The following CASZ1 variants were observed in gnomAD, a reference collection of about 807,000 sequenced individuals.
CASZ1 encodes castor zinc finger 1, also known as zinc finger protein castor homolog 1.
Under a neutral mutation model 135.2 loss-of-function variants are expected in CASZ1, and 28 were observed. The observed-to-expected ratio is 0.21, with a 90% CI of 0.15 to 0.28. CASZ1 has a LOEUF of 0.28. Ranked by LOEUF, CASZ1 falls within the 10% of genes least tolerant of loss-of-function variation. The pLI, the probability that CASZ1 is intolerant of heterozygous loss-of-function variation, is 1.00. For synonymous variants in CASZ1, 1,068 were observed against 1,073.4 expected, an observed-to-expected ratio of 0.99 and a Z score of 0.10; for missense variants, 2,161 against 2,453.3, an observed-to-expected ratio of 0.88 and a Z score of 2.52.
At chr1:10,740,971 A>AAAAAAAAG (rs1275701750) in intron 2 of CASZ1, among the ~76,000 whole-genome samples, 4 of 131,032 alleles carry the variant, frequency 3.1e-5, no homozygotes, top group Admixed American at 1.7e-4. Flanking sequence ...AAAAAAAAAA[A>AAAAAAAAG]AAAAAAGAAA....
At chr1:10,703,976 G>A (rs141334370) in intron 3 of CASZ1, among the ~76,000 whole-genome samples, 8 of 152,320 alleles carry the variant, frequency 5.3e-5, no homozygotes, top group South Asian at 2.1e-4. Flanking sequence ...TTCAGGACAC[G>A]GAATGGCTGG....
chr1:10,790,819 G>T (rs1640943551), intron 1 of CASZ1, among the ~76,000 whole-genome samples: 1 of 151,544 alleles, frequency 6.6e-6, no homozygotes, highest in South Asian at 2.1e-4. Context: ...TGGTATAAAT[G>T]TACTTAATGT....
In CASZ1 at chr1:10,736,308, C is replaced by T. The variant is rs114773315; in HGVS notation, c.-77+24393G>A. ...GAACACACACGTAACTCTGGGCTCACGGTCAGCATCTGCCACCTGGACAAA... is the reference window on the plus strand; with the variant it reads ...GAACACACACGTAACTCTGGGCTCATGGTCAGCATCTGCCACCTGGACAAA... On this transcript the variant is annotated intron_variant, in intron 2 of 20. Transcript: ENST00000377022. Among the ~76,000 whole-genome samples, 517 of 152,306 alleles carry T rather than the reference C, an allele frequency of 3.4e-3. 5 individuals carry two copies. Among genetic ancestry groups the T allele is most frequent in the African/African-American group, 0.012 (487 of 41,556 alleles).
At position 10,762,264 on chromosome 1, in the gene CASZ1, G is replaced by A. The variant is rs1443070458; in HGVS notation, c.-233-1407C>T. ...GGGTGGACAGCATCCACTGTCCAAGGCTTGGATCAGCCCAGCTCCCATCCC... is the reference window on the plus strand; with the variant it reads ...GGGTGGACAGCATCCACTGTCCAAGACTTGGATCAGCCCAGCTCCCATCCC... On this transcript the variant is annotated intron_variant, in intron 1 of 20. Coordinates refer to ENST00000377022, the MANE Select transcript of CASZ1 (RefSeq NM_001079843.3). This position sits in a 1 kb window ranked among gnomAD's most constrained non-coding sequence, Gnocchi z 4.1. Among the ~76,000 whole-genome samples the A allele has an allele frequency of 1.3e-5, 2 of 151,274 alleles. No individual in the cohort carries two copies.
intron 1 of CASZ1, among the ~76,000 whole-genome samples, chr1:10,769,356 G>A (rs929709882): frequency 3.3e-5 from 5 of 152,184 alleles, no homozygotes; most frequent in Non-Finnish European, 7.3e-5. Flanking sequence ...CTGAGGAACT[G>A]AATTTCCAAT....
In CASZ1 at chr1:10,697,751, A is replaced by G. The variant is rs1638966725; in HGVS notation, c.-23-3839T>C. Reference sequence around the variant, plus strand: ...AAACTTGAACAAAGCTCCTTTTGTTATTGCACCCCACCCCAGGATCCCAAT... The same window carrying G: ...AAACTTGAACAAAGCTCCTTTTGTTGTTGCACCCCACCCCAGGATCCCAAT... On this transcript the variant is annotated intron_variant, in intron 3 of 20. Transcript: ENST00000377022. This position sits in a 1 kb window ranked among gnomAD's most constrained non-coding sequence, Gnocchi z 4.7. Among the ~76,000 whole-genome samples the G allele has an allele frequency of 6.6e-6, 1 of 152,200 alleles. No homozygotes were observed. The highest frequency in any genetic ancestry group is 2.1e-4 in the South Asian group (1 of 4,826).
intron 2 of CASZ1, among the ~76,000 whole-genome samples, chr1:10,745,432 C>T (rs962865340): frequency 1.4e-4 from 22 of 152,138 alleles, no homozygotes; most frequent in Admixed American, 1.2e-3. Flanking sequence ...CCTTGCCCTT[C>T]GCCAAGTGGA....
chr1:10,735,303 C>G lies in CASZ1; in HGVS notation c.-77+25398G>C, dbSNP rs1450993605. Among the ~76,000 whole-genome samples the G allele has an allele frequency of 6.6e-6, 1 of 151,890 alleles. No individual in the cohort carries two copies. The highest frequency in any genetic ancestry group is 1.5e-5 in the Non-Finnish European group (1 of 67,982). ...CATAAATTATAGGGGTTGATTAGAC[C>G]GGGGCTCTGGGAGAGGGAAAGGTTG... On this transcript the variant is annotated intron_variant, in intron 2 of 20. Coordinates refer to ENST00000377022, the MANE Select transcript of CASZ1 (RefSeq NM_001079843.3). This position sits in a 1 kb window ranked among gnomAD's most constrained non-coding sequence, Gnocchi z 5.1.
Position 10,694,975 on chromosome 1 carries a change from CA to C in CASZ1, c.-23-1064del, listed in dbSNP as rs998361538. Among the ~76,000 whole-genome samples, 4 of 146,134 alleles carry C rather than the reference CA, an allele frequency of 2.7e-5. No homozygotes were observed. Among genetic ancestry groups the C allele is most frequent in the Non-Finnish European group, 4.6e-5 (3 of 65,932 alleles). On this transcript the variant is annotated intron_variant, in intron 3 of 20. Transcript: ENST00000377022. This position sits in a 1 kb window ranked among gnomAD's most constrained non-coding sequence, Gnocchi z 6.6. Reference sequence around the variant, plus strand: ...CGACGGCCGCCGCGCGCGCCTGCCCCACGACCCGCGCGGCCGCGCTAACTTT... The same window carrying C: ...CGACGGCCGCCGCGCGCGCCTGCCCCCGACCCGCGCGGCCGCGCTAACTTT...
rs762462931 is a variant in CASZ1, at chr1:10,660,320, T to G, written c.722A>C (p.Glu241Ala). Residue 241 changes from glutamate (E) to alanine (A), a missense_variant, in exon 6 of 21, where the codon GAG becomes GCG. By Grantham distance (107) the Glu-to-Ala change is moderately radical. This residue lies in a region of CASZ1 where 590 missense variants were observed against 609.8 expected (regional missense o/e 0.97). Transcript: ENST00000377022. ...SKRARFSKYE[E>A]YIRKLKAGEQ... is the part of the protein sequence containing the mutation. ...GCCAGCCTTGAGCTTGCGGATGTAC[T>G]CCTCATACTTAGAGAACCGCGCCCG... 6.2e-7 allele frequency: 1 copy of G among 1,614,108 alleles called. No individual in the cohort carries two copies.
intron 18 of CASZ1, among the ~76,000 whole-genome samples, chr1:10,644,490 A>T (rs72858515): frequency 0.045 from 6,837 of 152,300 alleles, 210 homozygotes; most frequent in South Asian, 0.12. Context: ...TGCAGAATGG[A>T]TGAATGGAAG....
At chr1:10,732,417 G>A (rs933703068) in intron 2 of CASZ1, among the ~76,000 whole-genome samples, 4 of 151,834 alleles carry the variant, frequency 2.6e-5, no homozygotes, top group Non-Finnish European at 5.9e-5. Context: ...GGGTCACTGA[G>A]ACCAACAGGT....
chr1:10,725,063 C>T lies in CASZ1; in HGVS notation c.-76-19519G>A, dbSNP rs1056151040. On this transcript the variant is annotated intron_variant, in intron 2 of 20. Transcript: ENST00000377022. This position sits in a 1 kb window ranked among gnomAD's most constrained non-coding sequence, Gnocchi z 4.4. ...ACAGAGGACGGAGGGAAGCAGCCCT[C>T]GCAGACGTGCAGGTGGCTGTTCTTC... Among the ~76,000 whole-genome samples the T allele has an allele frequency of 3.3e-5, 5 of 152,240 alleles. No homozygotes were observed. Among genetic ancestry groups the T allele is most frequent in the Admixed American group, 1.3e-4 (2 of 15,290 alleles).
In CASZ1 at chr1:10,738,621, A is replaced by T. The variant is rs1015790999; in HGVS notation, c.-77+22080T>A. Among the ~76,000 whole-genome samples, 61 of 152,380 alleles carry T rather than the reference A, an allele frequency of 4.0e-4. 1 individual carries two copies. The highest frequency in any genetic ancestry group is 1.3e-3 in the African/African-American group (55 of 41,594). Reference sequence around the variant, plus strand: ...CTTCGACCCCATCCAAACCAGCTTCAGAGAGGCAGGGCCTCGACCCAACTG... The same window carrying T: ...CTTCGACCCCATCCAAACCAGCTTCTGAGAGGCAGGGCCTCGACCCAACTG... On this transcript the variant is annotated intron_variant, in intron 2 of 20. Coordinates refer to ENST00000377022, the MANE Select transcript of CASZ1 (RefSeq NM_001079843.3).
At chr1:10,643,132 TG>T (rs1642260771) in intron 19 of CASZ1, 27 bp downstream of exon 19, 1 of 1,603,322 alleles carries the variant, frequency 6.2e-7, no homozygotes, top group Non-Finnish European at 8.5e-7. Context: ...CCACCCTGGC[TG>T]GGCTCTCACC....
At chr1:10,749,383 G>A (rs1640106996) in intron 2 of CASZ1, among the ~76,000 whole-genome samples, 1 of 152,086 alleles carries the variant, frequency 6.6e-6, no homozygotes, top group Non-Finnish European at 1.5e-5. Flanking sequence ...GAGTAGCTAG[G>A]ACTACAGGCG....
chr1:10,767,840 C>CCCGCTGAT lies in CASZ1; in HGVS notation c.-233-6984_-233-6983insATCAGCGG, dbSNP rs1334942542. On this transcript the variant is annotated intron_variant, in intron 1 of 20. Coordinates refer to ENST00000377022, the MANE Select transcript of CASZ1 (RefSeq NM_001079843.3). This position sits in a 1 kb window ranked among gnomAD's most constrained non-coding sequence, Gnocchi z 4.2. ...GGATCACTTCCCTCGCTGGCCCTGT[C>CCCGCTGAT]CACAGCCCTCGGCCCATGAGGAGGG... Among the ~76,000 whole-genome samples the CCCGCTGAT allele has an allele frequency of 6.6e-6, 1 of 152,168 alleles. No homozygotes were observed. Among genetic ancestry groups the CCCGCTGAT allele is most frequent in the Non-Finnish European group, 1.5e-5 (1 of 68,036 alleles).
At chr1:10,746,435 GA>G (rs1330726443) in intron 2 of CASZ1, among the ~76,000 whole-genome samples, 1 of 152,178 alleles carries the variant, frequency 6.6e-6, no homozygotes, top group African/African-American at 2.4e-5. Flanking sequence ...TAGACCCCAG[GA>G]AAAAATAGTG....
intron 6 of CASZ1, among the ~76,000 whole-genome samples, chr1:10,658,964 G>A (rs1266073944): frequency 6.6e-6 from 1 of 152,188 alleles, no homozygotes; most frequent in Non-Finnish European, 1.5e-5. Flanking sequence ...TCCTTCCCCA[G>A]GCAGCAGGGG....
Sources: gnomAD v4.1 joint callset for allele counts (sites outside exome capture counted in the v4.1 genomes callset) on GRCh38, gnomAD v4.1.1 for gene constraint, gnomAD v4.1.1 regional missense constraint, Gnocchi (gnomAD v3.1) non-coding constraint, MANE v1.5 for transcripts, NCBI Gene and HGNC (gene_info 2026-07-23, HGNC 2026-07-21) for gene names.